WNT2B: variants seen among roughly 807,000 people sequenced by gnomAD.
The protein encoded by WNT2B is protein Wnt-2b.
Under a neutral mutation model 40.5 loss-of-function variants are expected in WNT2B, and 19 were observed. The ratio of observed to expected loss-of-function variants is 0.47; its 90% confidence interval spans 0.33 to 0.69. The LOEUF (loss-of-function observed/expected upper bound fraction) is 0.69, where lower values mean the gene tolerates loss of function less well. Ranked by LOEUF, WNT2B falls within the 30% of genes least tolerant of loss-of-function variation. The probability of loss-of-function intolerance (pLI) is 0.02; values close to 1 mark genes in which losing one functional copy is unlikely to be tolerated. For synonymous variants in WNT2B, 220 were observed against 211.9 expected (o/e 1.04, Z -0.33); for missense variants, 467 against 556.4 (o/e 0.84, Z 1.62).
chr1:112,496,035 C>T (rs370537841), intron 1 of WNT2B, among the ~76,000 whole-genome samples: 29 of 152,254 alleles, frequency 1.9e-4, no homozygotes, highest in African/African-American at 6.0e-4. Flanking sequence ...AATTACTTCC[C>T]GAAGACCCCA....
At chr1:112,511,274 G>A (rs1395030982) in intron 1 of WNT2B, among the ~76,000 whole-genome samples, 1 of 152,142 alleles carries the variant, frequency 6.6e-6, no homozygotes, top group African/African-American at 2.4e-5. Flanking sequence ...GACACAGAGT[G>A]ACTTAGCAGC....
chr1:112,492,535 C>A (rs752437282), intron 1 of WNT2B, among the ~76,000 whole-genome samples: 17 of 152,198 alleles, frequency 1.1e-4, no homozygotes, highest in Admixed American at 2.6e-4. Context: ...CAGGTTCTCA[C>A]AGTAAATATC....
chr1:112,472,725 G>T (rs1484675598), intron 1 of WNT2B, among the ~76,000 whole-genome samples: 4 of 152,046 alleles, frequency 2.6e-5, no homozygotes, highest in African/African-American at 7.2e-5. Context: ...AGAAAAATAT[G>T]GCAAATAATT....
chr1:112,486,388 A>G (rs1426631246), intron 1 of WNT2B, among the ~76,000 whole-genome samples: 5 of 152,168 alleles, frequency 3.3e-5, no homozygotes, highest in Non-Finnish European at 5.9e-5. Flanking sequence ...GGTTGCAATG[A>G]GCCAAGGTCA....
At position 112,514,800 on chromosome 1, in the gene WNT2B, G is replaced by T. The variant is rs370140758; in HGVS notation, c.183-74G>T. On this transcript the variant is annotated intron_variant, in intron 1 of 4. Transcript: ENST00000369684. ...TCTCTTCAAGGTCTGGATGCTAAAC[G>T]TACCCCTTCCTTATTCCCTCCCAAT... 2.5e-5 allele frequency: 36 copies of T among 1,452,504 alleles called. No individual in the cohort carries two copies. The Admixed American group carries it at 4.4e-4, about 18-fold the overall frequency. 90.0% of individuals were successfully genotyped at this position (1,452,504 alleles called of 1,614,324 possible).
At chr1:112,516,108 C>T in intron 2 of WNT2B, 32 bp from the exon 3 acceptor site, 1 of 1,586,498 alleles carries the variant, frequency 6.3e-7, no homozygotes. Context: ...GGGCCTCTTT[C>T]CTGAAGCACA....
rs1653290881 is a variant in WNT2B at position 112,525,831 on chromosome 1, A to G, written c.*5322A>G. On this transcript the variant is annotated 3_prime_UTR_variant, in exon 5 of 5. Transcript: ENST00000369684. ...TTCATCTACAGTTGTCCTTTTTGAC[A>G]GCTTCCAAGGGGGGTTTGCCTAGGA... is the stretch of plus-strand genomic sequence containing the variant. 1.4e-6 allele frequency: 1 copy of G among 723,396 alleles called. No homozygotes were observed. The highest frequency in any genetic ancestry group is 1.8e-5 in the African/African-American group (1 of 56,620). 44.8% of individuals were successfully genotyped at this position (723,396 alleles called of 1,614,324 possible).
Position 112,513,555 on chromosome 1 carries a change from G to T in WNT2B, c.183-1319G>T, listed in dbSNP as rs976257531. On this transcript the variant is annotated intron_variant, in intron 1 of 4. Coordinates refer to ENST00000369684, the MANE Select transcript of WNT2B (RefSeq NM_024494.3). ...GGCTGTGGGAATGCAGGGGGGTGGTGGGGGGGGACACAGAGCCCAGGGCAG... is the reference window on the plus strand; with the variant it reads ...GGCTGTGGGAATGCAGGGGGGTGGTTGGGGGGGACACAGAGCCCAGGGCAG... Among the ~76,000 whole-genome samples the T allele has an allele frequency of 2.2e-5, 3 of 139,120 alleles. No homozygotes were observed. In the South Asian group the frequency reaches 6.3e-4, roughly 29 times the overall value. The allele number at this position is 139,120 out of a possible 152,430, so 91.3% of individuals were successfully genotyped here. A position where few individuals can be genotyped will look rare whatever the true frequency, so the allele number is the denominator to read the frequency against.
chr1:112,474,529 A>G (rs1188298484), intron 1 of WNT2B, among the ~76,000 whole-genome samples: 4 of 152,236 alleles, frequency 2.6e-5, no homozygotes, highest in Admixed American at 6.5e-5. Flanking sequence ...GAGATTTCTC[A>G]TTAGTAATGA....
chr1:112,488,607 A>C (rs1651495335), intron 1 of WNT2B, among the ~76,000 whole-genome samples: 1 of 146,862 alleles, frequency 6.8e-6, no homozygotes, highest in African/African-American at 2.5e-5. Context: ...GCTGGAGTGC[A>C]GTGTCACGAT....
intron 1 of WNT2B, chr1:112,467,642 C>T: frequency 2.6e-6 from 2 of 761,840 alleles, no homozygotes; most frequent in Non-Finnish European, 4.9e-6. Context: ...TAATTTTCTC[C>T]TTTTCTTCTC....
chr1:112,476,529 G>C (rs1232137430), intron 1 of WNT2B, among the ~76,000 whole-genome samples: 1 of 152,006 alleles, frequency 6.6e-6, no homozygotes, highest in Non-Finnish European at 1.5e-5. Flanking sequence ...CACAAACCAA[G>C]ATAGCCATAT....
chr1:112,520,813 G>T lies in WNT2B; in HGVS notation c.*304G>T, dbSNP rs1652831204. 2.7e-6 allele frequency: 1 copy of T among 370,530 alleles called. No homozygotes were observed. The highest frequency in any genetic ancestry group is 6.2e-5 in the South Asian group (1 of 16,142). 23.0% of individuals were successfully genotyped at this position (370,530 alleles called of 1,614,324 possible). ...AGTTGCACTAAAGTACGTAGTTGAG[G>T]CTCCTTTTTTCTTTCCTTTGCACCA... On this transcript the variant is annotated 3_prime_UTR_variant, in exon 5 of 5. Coordinates refer to ENST00000369684, the MANE Select transcript of WNT2B (RefSeq NM_024494.3).
chr1:112,510,431 T>C (rs1428125011), intron 1 of WNT2B, among the ~76,000 whole-genome samples: 3 of 152,102 alleles, frequency 2.0e-5, no homozygotes, highest in Non-Finnish European at 4.4e-5. Context: ...GACTAGGCTA[T>C]TGCCCCTCTC....
intron 1 of WNT2B, among the ~76,000 whole-genome samples, chr1:112,511,395 C>T (rs1274208892): frequency 6.6e-6 from 1 of 152,136 alleles, no homozygotes; most frequent in South Asian, 2.1e-4. Context: ...AGATGCCTGC[C>T]TCAGTGATCA....
In WNT2B at chr1:112,509,020, G is replaced by T; in HGVS notation, c.-243G>T. 7.4e-7 allele frequency: 1 copy of T among 1,349,216 alleles called. No individual in the cohort carries two copies. Among genetic ancestry groups the T allele is most frequent in the Non-Finnish European group, 9.4e-7 (1 of 1,059,870 alleles). The allele number at this position is 1,349,216 out of a possible 1,614,324, so 83.6% of individuals were successfully genotyped here. A position where few individuals can be genotyped will look rare whatever the true frequency, so the allele number is the denominator to read the frequency against. ...CGCAGACCCCCTGACACCGCACCCG[G>T]TCCTCAGGCAGCGCGCCCCAGACCC... On this transcript the variant is annotated 5_prime_UTR_variant, in exon 1 of 5. Coordinates refer to ENST00000369684, the MANE Select transcript of WNT2B (RefSeq NM_024494.3). The surrounding 1 kb of genome is among the most constrained non-coding windows in gnomAD (Gnocchi z 4.2).
At chr1:112,485,757 C>G (rs1478845237) in intron 1 of WNT2B, among the ~76,000 whole-genome samples, 1 of 151,864 alleles carries the variant, frequency 6.6e-6, no homozygotes, top group Non-Finnish European at 1.5e-5. Context: ...AATGTAAAAC[C>G]TAAAAAAACT....
Position 112,478,021 on chromosome 1 carries a change from C to T in WNT2B, c.-95+10430C>T, listed in dbSNP as rs1651103112. On this transcript the variant is annotated intron_variant, in intron 1 of 4. Transcript: ENST00000256640. ...GGCCAAGGCAGGAGGATCACTTGAG[C>T]CCAGGAGTTCAAGACCAGCCTGGGC... 1.3e-5 allele frequency among the ~76,000 whole-genome samples: 2 copies of T among 152,160 alleles called. 1 individual carries two copies. The highest frequency in any genetic ancestry group is 4.1e-4 in the South Asian group (2 of 4,828).
rs772241247 is a variant in WNT2B, at chr1:112,514,919, T to C, written c.228T>C (p.Pro76=). Residue 76 remains proline, a synonymous_variant, in exon 2 of 5, where the codon CCT becomes CCC. Transcript: ENST00000369684. ...CACGAGTGATCTGTGACAATATCCC[T>C]GGTTTGGTGAGCCGGCAGCGGCAGC... ...LGARVICDNI[P]GLVSRQRQLC... 9.9e-6 allele frequency: 16 copies of C among 1,614,142 alleles called. No individual in the cohort carries two copies. In the South Asian group the frequency reaches 1.8e-4, roughly 18 times the overall value.
Sources: gnomAD v4.1 joint callset for allele counts (sites outside exome capture counted in the v4.1 genomes callset) on GRCh38, gnomAD v4.1.1 for gene constraint, Gnocchi (gnomAD v3.1) non-coding constraint, MANE v1.5 for transcripts, NCBI Gene and HGNC (gene_info 2026-07-23, HGNC 2026-07-21) for gene names.